The following SDK1 variants were observed in gnomAD, a reference collection of about 807,000 sequenced individuals.
SDK1 encodes sidekick cell adhesion molecule 1.
SDK1 carries 157 observed loss-of-function variants against 245.5 expected under a neutral mutation model. That is an observed-to-expected ratio of 0.64 (90% CI 0.56 to 0.73). The LOEUF is 0.73. Ranked by LOEUF, SDK1 falls within the 30% of genes least tolerant of loss-of-function variation. SDK1 has a pLI of 0.00. For synonymous variants in SDK1, 1,647 were observed against 1,278.5 expected, an observed-to-expected ratio of 1.29 and a Z score of -6.15; for missense variants, 3,583 against 3,002.3, an observed-to-expected ratio of 1.19 and a Z score of -4.52.
intron 25 of SDK1, among the ~76,000 whole-genome samples, chr7:4,115,377 T>C (rs1397560646): frequency 6.6e-6 from 1 of 152,110 alleles, no homozygotes; most frequent in Non-Finnish European, 1.5e-5. Flanking sequence ...TATGAAGGGT[T>C]GAGATGGTGA....
At chr7:4,195,000 A>G (rs747628660) in intron 35 of SDK1, among the ~76,000 whole-genome samples, 2 of 152,158 alleles carry the variant, frequency 1.3e-5, no homozygotes, top group South Asian at 2.1e-4. Flanking sequence ...CCACAGTTCT[A>G]TCCTTCTAGA....
intron 1 of SDK1, among the ~76,000 whole-genome samples, chr7:3,393,031 C>G (rs1005937690): frequency 6.3e-5 from 8 of 127,162 alleles, no homozygotes; most frequent in African/African-American, 2.4e-4. Context: ...AGTACAGTGG[C>G]GTGATCTCAG....
intron 38 of SDK1, among the ~76,000 whole-genome samples, chr7:4,213,610 C>G (rs1784623538): frequency 6.6e-6 from 1 of 151,910 alleles, no homozygotes; most frequent in Admixed American, 6.6e-5. Context: ...GTACTTCATT[C>G]CAGGCAAGGC....
At chr7:3,884,806 CA>C (rs1781298482) in intron 5 of SDK1, among the ~76,000 whole-genome samples, 1 of 152,164 alleles carries the variant, frequency 6.6e-6, no homozygotes, top group Admixed American at 6.5e-5. Context: ...TTGTGAAGGA[CA>C]AGGTAACTCC....
At chr7:4,127,892 G>C (rs1459885263) in intron 26 of SDK1, among the ~76,000 whole-genome samples, 1 of 152,228 alleles carries the variant, frequency 6.6e-6, no homozygotes, top group Non-Finnish European at 1.5e-5. Flanking sequence ...AGAATTCAGG[G>C]GGTCTTTTAC....
chr7:3,393,117 C>T (rs1583790924), intron 1 of SDK1, among the ~76,000 whole-genome samples: 1 of 151,696 alleles, frequency 6.6e-6, no homozygotes, highest in African/African-American at 2.4e-5. Context: ...ATTACAGGTG[C>T]CTGCCACCAC....
intron 1 of SDK1, among the ~76,000 whole-genome samples, chr7:3,604,402 G>C (rs1387607008): frequency 3.3e-5 from 5 of 151,862 alleles, no homozygotes; most frequent in South Asian, 2.1e-4. Flanking sequence ...TCCTTCTTTT[G>C]AGGTAGGAAG....
At chr7:3,856,335 A>ATGAAACAACCTAG (rs1780544828) in intron 5 of SDK1, among the ~76,000 whole-genome samples, 1 of 152,146 alleles carries the variant, frequency 6.6e-6, no homozygotes, top group Non-Finnish European at 1.5e-5. Flanking sequence ...GGTTTAAAAA[A>ATGAAACAACCTAG]TGAAACAACC....
At chr7:4,184,762 A>G (rs1489667899) in intron 35 of SDK1, among the ~76,000 whole-genome samples, 1 of 152,242 alleles carries the variant, frequency 6.6e-6, no homozygotes, top group Non-Finnish European at 1.5e-5. Flanking sequence ...ACCCAACGCC[A>G]ACAAGCTTAA....
chr7:3,391,289 C>T (rs1781742225), intron 1 of SDK1, among the ~76,000 whole-genome samples: 1 of 152,154 alleles, frequency 6.6e-6, no homozygotes, highest in African/African-American at 2.4e-5. Context: ...AATGACTTTT[C>T]TGTCATTCTT....
chr7:3,514,967 C>G (rs1237369050), intron 1 of SDK1, among the ~76,000 whole-genome samples: 1 of 152,168 alleles, frequency 6.6e-6, no homozygotes, highest in Admixed American at 6.5e-5. Context: ...ACAATAATCA[C>G]TTGGGCCCTT....
At chr7:3,574,242 G>A (rs750466438) in intron 1 of SDK1, among the ~76,000 whole-genome samples, 8 of 151,420 alleles carry the variant, frequency 5.3e-5, no homozygotes, top group Non-Finnish European at 1.0e-4. Flanking sequence ...TCAGCCTCCC[G>A]AGCAGCTGGG....
chr7:4,228,250 A>G (rs1562458100), intron 40 of SDK1, among the ~76,000 whole-genome samples: 1 of 152,176 alleles, frequency 6.6e-6, no homozygotes, highest in Non-Finnish European at 1.5e-5. Flanking sequence ...TATTTCTCCA[A>G]TGGCGTTTCA....
chr7:3,762,432 C>A (rs1428213674), intron 4 of SDK1, among the ~76,000 whole-genome samples: 2 of 152,234 alleles, frequency 1.3e-5, no homozygotes, highest in African/African-American at 4.8e-5. Flanking sequence ...AAGCAAAAAA[C>A]AACAACAAAA....
rs369968682 is a variant in SDK1 at position 3,940,715 on chromosome 7, G to A, written c.848-10208G>A. Among the ~76,000 whole-genome samples, 855 of 152,208 alleles carry A rather than the reference G, an allele frequency of 5.6e-3. 9 individuals carry two copies. The highest frequency in any genetic ancestry group is 0.019 in the African/African-American group (795 of 41,528). ...AGGCGCCTGTAATCCCAGCTACTCC[G>A]GAGGCTGAGGCAGAAGAATCACTTG... is the stretch of plus-strand genomic sequence containing the variant. On this transcript the variant is annotated intron_variant, in intron 5 of 44. Coordinates refer to ENST00000404826, the MANE Select transcript of SDK1 (RefSeq NM_152744.4).
chr7:3,611,842 A>G (rs1276035453), intron 1 of SDK1, among the ~76,000 whole-genome samples: 1 of 152,024 alleles, frequency 6.6e-6, no homozygotes, highest in Non-Finnish European at 1.5e-5. Flanking sequence ...GATTGTGGTG[A>G]TGGGGTGAAA....
At chr7:3,549,381 T>C (rs1222591548) in intron 1 of SDK1, among the ~76,000 whole-genome samples, 1 of 152,230 alleles carries the variant, frequency 6.6e-6, no homozygotes, top group Non-Finnish European at 1.5e-5. Flanking sequence ...AGAAATAATC[T>C]TGCCAAGTAT....
chr7:3,694,538 G>C (rs992316550), intron 4 of SDK1, among the ~76,000 whole-genome samples: 1 of 150,838 alleles, frequency 6.6e-6, no homozygotes, highest in African/African-American at 2.4e-5. Context: ...GGTTACCTCT[G>C]GCACTTACAT....
At chr7:4,029,133 C>T (rs1337695013) in intron 17 of SDK1, among the ~76,000 whole-genome samples, 3 of 23,056 alleles carry the variant, frequency 1.3e-4, no homozygotes, top group South Asian at 8.3e-4. Context: ...AGACCTTTTC[C>T]GAGGGGGGTG....
Sources: allele counts gnomAD v4.1 joint callset (sites outside exome capture counted in the v4.1 genomes callset), GRCh38; gene constraint gnomAD v4.1.1; transcripts MANE v1.5; gene names NCBI Gene and HGNC (gene_info 2026-07-23, HGNC 2026-07-21).